Variants in RALGPS1 observed in about 807,000 individuals in gnomAD.
RALGPS1 encodes the protein Ral GEF with PH domain and SH3 binding motif 1.
RALGPS1 carries 19 observed loss-of-function variants against 78.8 expected under a neutral mutation model. That is an observed-to-expected ratio of 0.24 (90% CI 0.17 to 0.35). The LOEUF (loss-of-function observed/expected upper bound fraction) is 0.35, where lower values mean the gene tolerates loss of function less well. Among genes scored for constraint, RALGPS1 ranks in the 10% least tolerant of loss-of-function variants. RALGPS1 has a pLI of 1.00. For missense variants in RALGPS1, 454 were observed against 688.3 expected (o/e 0.66, Z 3.81); for synonymous variants, 228 against 256.3 (o/e 0.89, Z 1.06).
intron 8 of RALGPS1, among the ~76,000 whole-genome samples, chr9:127,160,787 A>T (rs2058977309): frequency 6.6e-6 from 1 of 152,164 alleles, no homozygotes; most frequent in Non-Finnish European, 1.5e-5. Context: ...TCAAATCCTG[A>T]TTCTCTCACT....
chr9:127,002,414 T>C (rs1460793583), intron 4 of RALGPS1, among the ~76,000 whole-genome samples: 2 of 150,924 alleles, frequency 1.3e-5, no homozygotes, highest in Non-Finnish European at 2.9e-5. Flanking sequence ...CTATTATGAG[T>C]AGTGATACCA....
chr9:127,148,996 T>C (rs1438205381), intron 8 of RALGPS1, among the ~76,000 whole-genome samples: 5 of 152,202 alleles, frequency 3.3e-5, no homozygotes, highest in Non-Finnish European at 7.4e-5. Context: ...TGACCTCATA[T>C]ACACCTCATT....
intron 8 of RALGPS1, chr9:127,123,033 C>T (rs569571983): frequency 1.3e-5 from 2 of 152,566 alleles, no homozygotes; most frequent in South Asian, 2.1e-4. Flanking sequence ...TGCGTGCAGC[C>T]GCGTGCGAGC....
chr9:126,998,145 G>T (rs2042948429), intron 4 of RALGPS1, among the ~76,000 whole-genome samples: 1 of 152,136 alleles, frequency 6.6e-6, no homozygotes, highest in Non-Finnish European at 1.5e-5. Flanking sequence ...AAAAGCAATG[G>T]CAACAAAAGC....
At chr9:127,164,534 CTTTTT>C (rs1160251459) in intron 8 of RALGPS1, among the ~76,000 whole-genome samples, 1 of 62,766 alleles carries the variant, frequency 1.6e-5, no homozygotes, top group Non-Finnish European at 2.7e-5. Flanking sequence ...CATGCCTGGC[CTTTTT>C]TTTTTTTTTT....
intron 4 of RALGPS1, among the ~76,000 whole-genome samples, chr9:127,027,739 G>A (rs1266010991): frequency 2.0e-5 from 3 of 152,172 alleles, no homozygotes; most frequent in Non-Finnish European, 4.4e-5. Context: ...CCCTTAGCCT[G>A]CTTTGTAGTC....
chr9:127,168,301 A>G (rs761246709), intron 9 of RALGPS1, among the ~76,000 whole-genome samples: 32 of 152,284 alleles, frequency 2.1e-4, no homozygotes, highest in South Asian at 4.2e-4. Flanking sequence ...AGTTACCCCA[A>G]TGGAAACCTG....
chr9:127,130,961 C>T (rs1223370972), intron 8 of RALGPS1, among the ~76,000 whole-genome samples: 2 of 152,272 alleles, frequency 1.3e-5, no homozygotes, highest in Admixed American at 6.5e-5. Flanking sequence ...TCTCTTTCAA[C>T]ATACAGTGTT....
chr9:126,926,266 C>T (rs924525516), intron 1 of RALGPS1, among the ~76,000 whole-genome samples: 3 of 152,212 alleles, frequency 2.0e-5, no homozygotes, highest in African/African-American at 7.2e-5. Flanking sequence ...CTTGACACTG[C>T]AGACCCTACC....
At chr9:126,976,178 C>T (rs1484030607) in intron 3 of RALGPS1, among the ~76,000 whole-genome samples, 2 of 152,150 alleles carry the variant, frequency 1.3e-5, no homozygotes, top group Admixed American at 6.5e-5. Context: ...CATGAATATT[C>T]AACCAAATTA....
intron 7 of RALGPS1, among the ~76,000 whole-genome samples, chr9:127,063,555 TATC>T (rs1265253653): frequency 6.6e-6 from 1 of 152,346 alleles, no homozygotes; most frequent in East Asian, 1.9e-4. Flanking sequence ...TAGATTTAGT[TATC>T]ATTTCTATAG....
chr9:127,198,803 G>A (rs1194374630), intron 13 of RALGPS1, among the ~76,000 whole-genome samples: 1 of 152,182 alleles, frequency 6.6e-6, no homozygotes, highest in African/African-American at 2.4e-5. Flanking sequence ...TGGGAAGGTA[G>A]CAGAGGACCT....
chr9:127,139,502 T>TA (rs1230310987), intron 8 of RALGPS1, among the ~76,000 whole-genome samples: 1 of 152,214 alleles, frequency 6.6e-6, no homozygotes, highest in Non-Finnish European at 1.5e-5. Context: ...GCCCAATGAC[T>TA]AGTGGCATGA....
chr9:127,147,869 C>T (rs1014328771), intron 8 of RALGPS1, among the ~76,000 whole-genome samples: 3 of 152,254 alleles, frequency 2.0e-5, no homozygotes, highest in South Asian at 2.1e-4. Flanking sequence ...AAGGCATTCA[C>T]GAAAACTCTG....
chr9:127,144,301 G>C (rs563325798), intron 8 of RALGPS1, among the ~76,000 whole-genome samples: 2 of 152,042 alleles, frequency 1.3e-5, no homozygotes, highest in African/African-American at 4.8e-5. Context: ...TGGACGATTC[G>C]TGCAGGAACA....
At chr9:127,152,552 G>T (rs2058480830) in intron 8 of RALGPS1, among the ~76,000 whole-genome samples, 1 of 152,182 alleles carries the variant, frequency 6.6e-6, no homozygotes, top group Non-Finnish European at 1.5e-5. Context: ...CATAGCCTTG[G>T]ATCACTGTGT....
At chr9:127,202,829 C>T (rs186315081) in intron 14 of RALGPS1, among the ~76,000 whole-genome samples, 223 of 152,186 alleles carry the variant, frequency 1.5e-3, no homozygotes, top group Middle Eastern at 3.4e-3. Flanking sequence ...CACCTCATGC[C>T]GGGGAGAGTA....
At position 127,218,373 on chromosome 9, in the gene RALGPS1, A is replaced by AT. The variant is rs1013656746; in HGVS notation, c.1645-363dup. Reference sequence around the variant, plus strand: ...GTCTCTCTGCCCCAAGCGCAGTTTGATTTTCACTGAAGGAGATAGGTTAAG... The same window carrying AT: ...GTCTCTCTGCCCCAAGCGCAGTTTGATTTTTCACTGAAGGAGATAGGTTAAG... On this transcript the variant is annotated intron_variant, in intron 18 of 18. Transcript: ENST00000259351. The surrounding 1 kb of genome is among the most constrained non-coding windows in gnomAD (Gnocchi z 4.4). 6.6e-6 allele frequency among the ~76,000 whole-genome samples: 1 copy of AT among 152,052 alleles called. No homozygotes were observed. The highest frequency in any genetic ancestry group is 1.5e-5 in the Non-Finnish European group (1 of 68,018).
intron 4 of RALGPS1, among the ~76,000 whole-genome samples, chr9:126,992,940 G>A (rs2042406093): frequency 6.6e-6 from 1 of 152,208 alleles, no homozygotes; most frequent in African/African-American, 2.4e-5. Context: ...TATTCTTGGC[G>A]TGGTCCTGAT....
Sources: allele counts gnomAD v4.1 joint callset (sites outside exome capture counted in the v4.1 genomes callset), GRCh38; gene constraint gnomAD v4.1.1; non-coding constraint Gnocchi (gnomAD v3.1); transcripts MANE v1.5; gene names NCBI Gene and HGNC (gene_info 2026-07-23, HGNC 2026-07-21).